VAMP4: variants seen among roughly 807,000 people sequenced by gnomAD.
The protein encoded by VAMP4 is vesicle-associated membrane protein 4.
A neutral mutation model predicts 23.5 loss-of-function variants in VAMP4; 19 were observed. That is an observed-to-expected ratio of 0.81 (90% CI 0.56 to 1.19). The LOEUF is 1.19. Ranked by LOEUF, VAMP4 falls within the 50% of genes most tolerant of loss-of-function variation. The pLI, the probability that VAMP4 is intolerant of heterozygous loss-of-function variation, is 0.00. For missense variants in VAMP4, 145 were observed against 168.6 expected (o/e 0.86, Z 0.78); for synonymous variants, 31 against 51.0 (o/e 0.61, Z 1.67).
intron 6 of VAMP4, among the ~76,000 whole-genome samples, chr1:171,706,722 T>C (rs1024611315): frequency 6.6e-6 from 1 of 152,204 alleles, no homozygotes; most frequent in African/African-American, 2.4e-5. Flanking sequence ...TTCGATGTAT[T>C]GAACCATTTG....
At chr1:171,709,620 C>T (rs1307184581) in intron 6 of VAMP4, 45 bp downstream of exon 6, 1 of 1,580,674 alleles carries the variant, frequency 6.3e-7, no homozygotes, top group East Asian at 2.2e-5. Context: ...TTGAATACCA[C>T]TTCAGATGCT....
At chr1:171,724,018 G>T (rs761897357) in intron 3 of VAMP4, among the ~76,000 whole-genome samples, 80 of 152,092 alleles carry the variant, frequency 5.3e-4, no homozygotes, top group Non-Finnish European at 1.1e-3. Flanking sequence ...AAAGACACAT[G>T]CACACATATG....
chr1:171,718,598 A>G (rs1426891062), intron 4 of VAMP4, among the ~76,000 whole-genome samples: 2 of 152,222 alleles, frequency 1.3e-5, no homozygotes, highest in Non-Finnish European at 2.9e-5. Context: ...TTAGTTCAAT[A>G]TATGGGTTAT....
At chr1:171,722,566 T>C (rs1248660967) in intron 3 of VAMP4, among the ~76,000 whole-genome samples, 1 of 151,662 alleles carries the variant, frequency 6.6e-6, no homozygotes. Flanking sequence ...CAAGAAAAAA[T>C]CAAACAACCC....
At chr1:171,711,186 C>G (rs997253185) in intron 4 of VAMP4, among the ~76,000 whole-genome samples, 1 of 152,046 alleles carries the variant, frequency 6.6e-6, no homozygotes, top group Non-Finnish European at 1.5e-5. Context: ...ACATAGACAC[C>G]GCTGTAGCCT....
intron 6 of VAMP4, among the ~76,000 whole-genome samples, chr1:171,707,193 C>T (rs1654686855): frequency 6.6e-6 from 1 of 152,082 alleles, no homozygotes; most frequent in Non-Finnish European, 1.5e-5. Flanking sequence ...TCACAGCCCC[C>T]AGATATATTA....
chr1:171,719,957 G>T (rs183816657), intron 3 of VAMP4, among the ~76,000 whole-genome samples: 9 of 151,476 alleles, frequency 5.9e-5, no homozygotes, highest in Admixed American at 3.9e-4. Context: ...AAGAAACCAG[G>T]TTCTTAGATT....
intron 7 of VAMP4, among the ~76,000 whole-genome samples, chr1:171,705,680 C>T (rs749749461): frequency 1.3e-5 from 2 of 152,084 alleles, no homozygotes; most frequent in Non-Finnish European, 2.9e-5. Flanking sequence ...TGTAACAAAA[C>T]ATTTTTTTCT....
In VAMP4 at chr1:171,703,421, GTGTGTATATA is replaced by G. The variant is rs1483695569; in HGVS notation, c.*1075_*1084del. ...TGTGTGTGTGTGTGTGTGTGTGTTT[GTGTGTATATA>G]TATATATATATATATATATATATAT... is the stretch of plus-strand genomic sequence containing the variant. On this transcript the variant is annotated 3_prime_UTR_variant, in exon 8 of 8. Coordinates refer to ENST00000236192, the MANE Select transcript of VAMP4 (RefSeq NM_003762.5). The G allele has an allele frequency of 2.3e-5, 2 of 87,544 alleles. No individual in the cohort carries two copies. Among genetic ancestry groups the G allele is most frequent in the African/African-American group, 4.5e-5 (1 of 22,322 alleles). 5.4% of individuals were successfully genotyped at this position (87,544 alleles called of 1,614,324 possible). A position where few individuals can be genotyped will look rare whatever the true frequency, so the allele number is the denominator to read the frequency against.
intron 7 of VAMP4, 90 bp from the exon 8 acceptor site, chr1:171,704,624 CT>C: frequency 1.9e-6 from 2 of 1,036,678 alleles, no homozygotes; most frequent in Admixed American, 3.0e-5. Flanking sequence ...GTTGTGTCTA[CT>C]TTTAGAAATG....
chr1:171,719,455 T>C (rs1389775699), intron 3 of VAMP4, among the ~76,000 whole-genome samples: 3 of 152,126 alleles, frequency 2.0e-5, no homozygotes, highest in East Asian at 1.9e-4. Context: ...TTCTTCTGCA[T>C]GTTAAAACTT....
intron 1 of VAMP4, among the ~76,000 whole-genome samples, chr1:171,739,394 A>G (rs1021502542): frequency 6.6e-6 from 1 of 152,200 alleles, no homozygotes; most frequent in Non-Finnish European, 1.5e-5. Context: ...GAAGCTCTGT[A>G]CCCCTTGCCC....
Position 171,709,678 on chromosome 1 carries a change from C to A in VAMP4, c.332G>T (p.Trp111Leu). The change falls in exon 6 of 8, where the codon TGG becomes TTG. Residue 111 changes from tryptophan (W) to leucine (L), a missense_variant. Physicochemically the swap from Trp to Leu is moderately conservative, Grantham distance 61 (BLOSUM62 -2). Transcript: ENST00000236192. ...RSKQLRRQMW[W>L]RGCKIKAIMA... ...TGATTTACTTACTTTGCATCCACGC[C>A]ACCACATTTGCCTTCGAAGTTGTTT... The A allele has an allele frequency of 6.2e-7, 1 of 1,613,202 alleles. No individual in the cohort carries two copies. Among genetic ancestry groups the A allele is most frequent in the Non-Finnish European group, 8.5e-7 (1 of 1,179,408 alleles).
intron 2 of VAMP4, among the ~76,000 whole-genome samples, chr1:171,731,915 T>C (rs1488492025): frequency 6.6e-6 from 1 of 152,128 alleles, no homozygotes; most frequent in African/African-American, 2.4e-5. Context: ...AATAATAAAA[T>C]ATACAATCCA....
chr1:171,714,460 T>C (rs1654961544), intron 4 of VAMP4, among the ~76,000 whole-genome samples: 1 of 152,178 alleles, frequency 6.6e-6, no homozygotes, highest in African/African-American at 2.4e-5. Context: ...ATTAAATATA[T>C]CATTCATTCA....
chr1:171,736,648 AAAAACAAAACAAAACAAAACAAAAC>A lies in VAMP4; in HGVS notation c.66+1676_66+1700del, dbSNP rs59682689. Among the ~76,000 whole-genome samples the A allele has an allele frequency of 1.5e-3, 230 of 150,080 alleles. 7 individuals carry two copies. Among genetic ancestry groups the A allele is most frequent in the Admixed American group, 0.013 (192 of 15,050 alleles). ...ATTGGTGGATTCTATTTCCCCATTAAAAAACAAAACAAAACAAAACAAAACAAAACAAAACAAAACAAAACAGGCC... is the reference window on the plus strand; with the variant it reads ...ATTGGTGGATTCTATTTCCCCATTAAAAAACAAAACAAAACAAAACAGGCC... On this transcript the variant is annotated intron_variant, in intron 2 of 7. Coordinates refer to ENST00000236192, the MANE Select transcript of VAMP4 (RefSeq NM_003762.5).
At chr1:171,728,399 G>C in intron 3 of VAMP4, 125 bp downstream of exon 3, 1 of 701,700 alleles carries the variant, frequency 1.4e-6, no homozygotes, top group Non-Finnish European at 2.2e-6. Flanking sequence ...GGGGGATCTT[G>C]GAAGGCATCT....
At chr1:171,721,045 C>CA (rs755330284) in intron 3 of VAMP4, among the ~76,000 whole-genome samples, 1 of 151,376 alleles carries the variant, frequency 6.6e-6, no homozygotes, top group Non-Finnish European at 1.5e-5. Flanking sequence ...ATTCACAGAC[C>CA]AAAAAAAATG....
intron 5 of VAMP4, among the ~76,000 whole-genome samples, chr1:171,710,325 A>C (rs10913529): frequency 0.17 from 26,090 of 151,856 alleles, 2,330 homozygotes; most frequent in Middle Eastern, 0.24. Flanking sequence ...CTGAAAGTAA[A>C]GAAAGGTGAC....
Sources: gnomAD v4.1 joint callset for allele counts (sites outside exome capture counted in the v4.1 genomes callset) on GRCh38, gnomAD v4.1.1 for gene constraint, MANE v1.5 for transcripts, NCBI Gene and HGNC (gene_info 2026-07-23, HGNC 2026-07-21) for gene names.